PRKN: variants seen among roughly 807,000 people sequenced by gnomAD.
PRKN encodes the protein E3 ubiquitin-protein ligase parkin.
PRKN carries 56 observed loss-of-function variants against 59.5 expected under a neutral mutation model. That is an observed-to-expected ratio of 0.94 (90% CI 0.76 to 1.18). PRKN has a LOEUF of 1.18. Among genes scored for constraint, PRKN ranks in the 50% most tolerant of loss-of-function variants. The pLI, the probability that PRKN is intolerant of heterozygous loss-of-function variation, is 0.00. For missense variants in PRKN, 657 were observed against 596.4 expected (o/e 1.10, Z -1.06); for synonymous variants, 250 against 222.1 (o/e 1.13, Z -1.12).
In PRKN at chr6:161,364,382, C is replaced by T. The variant is rs554643043; in HGVS notation, c.1168-4177G>A. On this transcript the variant is annotated intron_variant, in intron 10 of 11. Transcript: ENST00000366898. Reference sequence around the variant, plus strand: ...GCTGAGGCAGGAGAATCATTTGAACCGGGAGGCGGAGGTTGCAGTGAGCCG... The same window carrying T: ...GCTGAGGCAGGAGAATCATTTGAACTGGGAGGCGGAGGTTGCAGTGAGCCG... Among the ~76,000 whole-genome samples, 45 of 140,458 alleles carry T rather than the reference C, an allele frequency of 3.2e-4. No homozygotes were observed. The East Asian group carries it at 6.2e-3, about 19-fold the overall frequency. 92.1% of individuals were successfully genotyped at this position (140,458 alleles called of 152,430 possible).
At chr6:161,937,552 G>A (rs1388543355) in intron 6 of PRKN, among the ~76,000 whole-genome samples, 3 of 152,252 alleles carry the variant, frequency 2.0e-5, no homozygotes, top group South Asian at 2.1e-4. Flanking sequence ...TTGGAAAAGC[G>A]CTCTGAACTA....
intron 1 of PRKN, among the ~76,000 whole-genome samples, chr6:162,699,976 C>A (rs1014482087): frequency 6.6e-6 from 1 of 152,208 alleles, no homozygotes; most frequent in African/African-American, 2.4e-5. Flanking sequence ...TGATGAACTT[C>A]ATCCCAAAAT....
intron 1 of PRKN, among the ~76,000 whole-genome samples, chr6:162,475,002 ATTGT>A (rs930203544): frequency 2.6e-4 from 40 of 152,338 alleles, no homozygotes; most frequent in African/African-American, 9.4e-4. Context: ...TCTTCTGAGA[ATTGT>A]TTATTTTCCC....
At position 161,509,752 on chromosome 6, in the gene PRKN, C is replaced by T. The variant is rs191849034; in HGVS notation, c.1083+39102G>A. Among the ~76,000 whole-genome samples, 1,090 of 151,616 alleles carry T rather than the reference C, an allele frequency of 7.2e-3. 7 individuals carry two copies. Among genetic ancestry groups the T allele is most frequent in the Non-Finnish European group, 0.012 (806 of 67,876 alleles). On this transcript the variant is annotated intron_variant, in intron 9 of 11. Coordinates refer to ENST00000366898, the MANE Select transcript of PRKN (RefSeq NM_004562.3). ...AAAATTAGCTGTGTGTGGTGGTGCG[C>T]GCCTGTAATCCCAGCTACTCAGGAG...
intron 2 of PRKN, among the ~76,000 whole-genome samples, chr6:162,429,265 GGCTTTTATCT>G (rs1789393188): frequency 1.3e-5 from 2 of 152,110 alleles, no homozygotes; most frequent in Non-Finnish European, 2.9e-5. Flanking sequence ...TTTAGCACGT[GGCTTTTATCT>G]TCATGGCACT....
intron 4 of PRKN, among the ~76,000 whole-genome samples, chr6:162,186,780 C>T (rs1784051415): frequency 6.6e-6 from 1 of 152,194 alleles, no homozygotes; most frequent in African/African-American, 2.4e-5. Context: ...TCACTCTGGA[C>T]AGGTAAAACA....
At chr6:161,779,440 C>CTTT (rs10683923) in intron 7 of PRKN, among the ~76,000 whole-genome samples, 18 of 41,820 alleles carry the variant, frequency 4.3e-4, no homozygotes, top group African/African-American at 1.4e-3. Context: ...CTTTTCTTTT[C>CTTT]TTTTTTTTTT....
intron 4 of PRKN, among the ~76,000 whole-genome samples, chr6:162,139,743 C>A (rs746663253): frequency 6.6e-6 from 1 of 152,032 alleles, no homozygotes; most frequent in Non-Finnish European, 1.5e-5. Context: ...AAAAACAGAC[C>A]CGCACCTATA....
chr6:162,488,204 T>C (rs1368105509), intron 1 of PRKN, among the ~76,000 whole-genome samples: 1 of 152,158 alleles, frequency 6.6e-6, no homozygotes, highest in African/African-American at 2.4e-5. Flanking sequence ...CTTAGCTGAA[T>C]ATTCCCAATA....
chr6:162,116,568 T>C (rs1243624453), intron 4 of PRKN, among the ~76,000 whole-genome samples: 1 of 152,234 alleles, frequency 6.6e-6, no homozygotes, highest in Non-Finnish European at 1.5e-5. Flanking sequence ...AGAGCACGTG[T>C]GTACATTAGA....
At chr6:161,836,216 G>A (rs1008084553) in intron 6 of PRKN, among the ~76,000 whole-genome samples, 4 of 152,124 alleles carry the variant, frequency 2.6e-5, no homozygotes, top group Admixed American at 2.6e-4. Flanking sequence ...GTATTCGCTT[G>A]CTTTCTTTTC....
intron 1 of PRKN, among the ~76,000 whole-genome samples, chr6:162,622,415 C>T (rs2128221083): frequency 6.6e-6 from 1 of 152,118 alleles, no homozygotes; most frequent in Non-Finnish European, 1.5e-5. Context: ...AACACCTCGC[C>T]TCAGGTCATC....
chr6:162,240,478 T>G (rs1778940350), intron 3 of PRKN, among the ~76,000 whole-genome samples: 1 of 152,182 alleles, frequency 6.6e-6, no homozygotes, highest in Non-Finnish European at 1.5e-5. Context: ...GTCTCATGGC[T>G]ACCTACTGAT....
At chr6:162,345,829 T>C (rs1784379144) in intron 2 of PRKN, among the ~76,000 whole-genome samples, 1 of 151,524 alleles carries the variant, frequency 6.6e-6, no homozygotes, top group African/African-American at 2.5e-5. Flanking sequence ...AAACTTGCTA[T>C]GTTTTGAATG....
intron 1 of PRKN, among the ~76,000 whole-genome samples, chr6:162,676,491 G>C (rs1779549190): frequency 6.6e-6 from 1 of 152,174 alleles, no homozygotes; most frequent in Non-Finnish European, 1.5e-5. Flanking sequence ...GTCTGGCCAG[G>C]ATTTGGGCAG....
In PRKN at chr6:161,460,615, G is replaced by A. The variant is rs1426378081; in HGVS notation, c.1084-73738C>T. On this transcript the variant is annotated intron_variant, in intron 9 of 11. Transcript: ENST00000366898. This position sits in a 1 kb window ranked among gnomAD's most constrained non-coding sequence, Gnocchi z 5.0. ...CTGGCAGGAGTTCCGGGGGCACAAGGCCAAGCTGAAGAAGACACAACTTCA... is the reference window on the plus strand; with the variant it reads ...CTGGCAGGAGTTCCGGGGGCACAAGACCAAGCTGAAGAAGACACAACTTCA... Among the ~76,000 whole-genome samples, 1 of 152,120 alleles carries A rather than the reference G, an allele frequency of 6.6e-6. No homozygotes were observed. The highest frequency in any genetic ancestry group is 1.9e-4 in the East Asian group (1 of 5,176).
chr6:161,766,817 T>G (rs1321420329), intron 7 of PRKN, among the ~76,000 whole-genome samples: 2 of 152,152 alleles, frequency 1.3e-5, no homozygotes, highest in Non-Finnish European at 2.9e-5. Context: ...CATAACATCT[T>G]TGAGGTGGAA....
In PRKN at chr6:161,461,635, C is replaced by T. The variant is rs545817070; in HGVS notation, c.1084-74758G>A. On this transcript the variant is annotated intron_variant, in intron 9 of 11. Coordinates refer to ENST00000366898, the MANE Select transcript of PRKN (RefSeq NM_004562.3). This position sits in a 1 kb window ranked among gnomAD's most constrained non-coding sequence, Gnocchi z 5.1. ...GAGATAAAAGGGTCTGGAATACATG[C>T]ACGGAGGATTCTAAGTGCCACTCAT... Among the ~76,000 whole-genome samples the T allele has an allele frequency of 2.0e-5, 3 of 152,196 alleles. No individual in the cohort carries two copies. The highest frequency in any genetic ancestry group is 7.2e-5 in the African/African-American group (3 of 41,524).
At chr6:161,795,218 G>GC (rs1458084676) in intron 6 of PRKN, among the ~76,000 whole-genome samples, 1 of 117,452 alleles carries the variant, frequency 8.5e-6, no homozygotes, top group African/African-American at 3.1e-5. Flanking sequence ...TTGTATTACT[G>GC]TTTTCTTTTC....
Sources: allele counts gnomAD v4.1 joint callset (sites outside exome capture counted in the v4.1 genomes callset), GRCh38; gene constraint gnomAD v4.1.1; non-coding constraint Gnocchi (gnomAD v3.1); transcripts MANE v1.5; gene names NCBI Gene and HGNC (gene_info 2026-07-23, HGNC 2026-07-21).